RPS6KA2: variants seen among roughly 807,000 people sequenced by gnomAD.
RPS6KA2 encodes ribosomal protein S6 kinase A2.
In RPS6KA2, 42 loss-of-function variants were observed where a neutral mutation model predicts 91.8. The observed-to-expected ratio is 0.46, with a 90% CI of 0.36 to 0.59. The LOEUF is 0.59. Among genes scored for constraint, RPS6KA2 ranks in the 20% least tolerant of loss-of-function variants. The pLI, the probability that RPS6KA2 is intolerant of heterozygous loss-of-function variation, is 0.00. For synonymous variants in RPS6KA2, 414 were observed against 393.6 expected (o/e 1.05, Z -0.61); for missense variants, 798 against 978.5 (o/e 0.82, Z 2.46).
chr6:166,479,953 T>C (rs1337893663), intron 10 of RPS6KA2, among the ~76,000 whole-genome samples: 1 of 152,218 alleles, frequency 6.6e-6, no homozygotes, highest in Non-Finnish European at 1.5e-5. Context: ...GCCTCACTCT[T>C]CAGTACTCAC....
At chr6:166,840,343 G>A (rs1411640051) in intron 2 of RPS6KA2, among the ~76,000 whole-genome samples, 1 of 152,208 alleles carries the variant, frequency 6.6e-6, no homozygotes, top group African/African-American at 2.4e-5. Context: ...AGGCTTTCAT[G>A]TGAGAGTGCG....
At chr6:166,621,273 G>A (rs1786618557) in intron 1 of RPS6KA2, among the ~76,000 whole-genome samples, 1 of 152,226 alleles carries the variant, frequency 6.6e-6, no homozygotes, top group African/African-American at 2.4e-5. Flanking sequence ...AATCCTAGGT[G>A]TATGGTTACG....
At chr6:166,649,900 G>A (rs200273905) in intron 2 of RPS6KA2, among the ~76,000 whole-genome samples, 13 of 152,150 alleles carry the variant, frequency 8.5e-5, no homozygotes, top group African/African-American at 2.7e-4. Context: ...TTAAAGGCTC[G>A]CCAGCAGAAA....
At chr6:166,692,711 A>G (rs1789246411) in intron 2 of RPS6KA2, among the ~76,000 whole-genome samples, 1 of 152,224 alleles carries the variant, frequency 6.6e-6, no homozygotes, top group Non-Finnish European at 1.5e-5. Flanking sequence ...TCCAGAGCGG[A>G]TCAGGAACCA....
At chr6:166,555,799 A>C (rs1784160476) in intron 1 of RPS6KA2, among the ~76,000 whole-genome samples, 1 of 152,140 alleles carries the variant, frequency 6.6e-6, no homozygotes, top group South Asian at 2.1e-4. Flanking sequence ...TAGGTCCTTC[A>C]TCTGGGCGTC....
chr6:166,504,486 C>A lies in RPS6KA2; in HGVS notation c.566+20G>T, dbSNP rs772066243. The A allele has an allele frequency of 5.4e-6, 8 of 1,487,914 alleles. No homozygotes were observed. The South Asian group carries it at 9.4e-5, about 17-fold the overall frequency. 92.2% of individuals were successfully genotyped at this position (1,487,914 alleles called of 1,614,324 possible). ...AGCTGATGGGCGTGGGGAAGTCAGC[C>A]CTAGTTTTTTCTCACTTACTTCTCA... is the stretch of plus-strand genomic sequence containing the variant. On this transcript the variant is annotated intron_variant, in intron 6 of 20. Transcript: ENST00000265678.
intron 1 of RPS6KA2, among the ~76,000 whole-genome samples, chr6:166,561,435 A>G (rs545242108): frequency 1.3e-5 from 2 of 151,802 alleles, no homozygotes; most frequent in East Asian, 3.9e-4. Context: ...TCCCTCCTAT[A>G]AAGAAGAAAA....
At chr6:166,582,154 C>T (rs1785041296) in intron 1 of RPS6KA2, among the ~76,000 whole-genome samples, 2 of 146,976 alleles carry the variant, frequency 1.4e-5, no homozygotes, top group African/African-American at 2.5e-5. Flanking sequence ...GCCCACTGGG[C>T]AGGTGGGCTG....
At chr6:166,671,649 C>A (rs1430085176) in intron 2 of RPS6KA2, among the ~76,000 whole-genome samples, 1 of 152,146 alleles carries the variant, frequency 6.6e-6, no homozygotes, top group Non-Finnish European at 1.5e-5. Context: ...GGTAATTTGT[C>A]AACATCCACT....
intron 15 of RPS6KA2, among the ~76,000 whole-genome samples, chr6:166,431,968 G>A (rs1056399069): frequency 2.6e-5 from 4 of 152,162 alleles, no homozygotes; most frequent in African/African-American, 4.8e-5. Flanking sequence ...TGTTAAGACC[G>A]TTTGCACGCA....
chr6:166,681,972 G>T (rs1788831055), intron 2 of RPS6KA2, among the ~76,000 whole-genome samples: 1 of 152,070 alleles, frequency 6.6e-6, no homozygotes, highest in African/African-American at 2.4e-5. Context: ...GACAGCTTAG[G>T]TTTAAGTCTT....
At position 166,500,906 on chromosome 6, in the gene RPS6KA2, C is replaced by A. The variant is rs2128478226; in HGVS notation, c.585G>T (p.Glu195Asp). The part of the protein sequence containing the change: ...LKPENILLDE[E>D]GHIKITDFGL... Reference sequence around the variant, plus strand: ...ACAAACCTGTGATCTTAATGTGCCCCTCTTCATCCAGGAGGATGCTAAAAG... The same window carrying A: ...ACAAACCTGTGATCTTAATGTGCCCATCTTCATCCAGGAGGATGCTAAAAG... Residue 195 changes from glutamate to aspartate, a missense_variant, in exon 7 of 21, where the codon GAG becomes GAT. Transcript: ENST00000265678. This position sits in a 1 kb window ranked among gnomAD's most constrained non-coding sequence, Gnocchi z 4.3. 1 of 1,614,074 alleles carries A rather than the reference C, an allele frequency of 6.2e-7. No individual in the cohort carries two copies. The highest frequency in any genetic ancestry group is 8.5e-7 in the Non-Finnish European group (1 of 1,179,972).
intron 2 of RPS6KA2, among the ~76,000 whole-genome samples, chr6:166,797,045 G>A (rs893153377): frequency 2.6e-5 from 4 of 152,202 alleles, no homozygotes; most frequent in African/African-American, 9.6e-5. Flanking sequence ...TCTCACGCCC[G>A]AGCAAAGCAG....
intron 1 of RPS6KA2, among the ~76,000 whole-genome samples, chr6:166,577,294 A>G (rs748826720): frequency 9.8e-5 from 15 of 152,312 alleles, no homozygotes; most frequent in Non-Finnish European, 2.1e-4. Flanking sequence ...AGCTGTGAGA[A>G]GAAGGCCACC....
At chr6:166,550,010 A>G (rs906788123) in intron 1 of RPS6KA2, among the ~76,000 whole-genome samples, 1 of 152,230 alleles carries the variant, frequency 6.6e-6, no homozygotes, top group African/African-American at 2.4e-5. Flanking sequence ...CAATATTGAA[A>G]GAGCTTTGTT....
At chr6:166,458,055 T>C (rs1020060374) in intron 12 of RPS6KA2, among the ~76,000 whole-genome samples, 4 of 152,304 alleles carry the variant, frequency 2.6e-5, no homozygotes, top group Non-Finnish European at 5.9e-5. Context: ...ATACTGTTAG[T>C]GTTGTGGACT....
At chr6:166,600,795 T>C (rs979818607) in intron 1 of RPS6KA2, among the ~76,000 whole-genome samples, 4 of 152,192 alleles carry the variant, frequency 2.6e-5, no homozygotes, top group Non-Finnish European at 5.9e-5. Flanking sequence ...TTGCACAAAG[T>C]GAATAGAAAT....
intron 2 of RPS6KA2, among the ~76,000 whole-genome samples, chr6:166,851,638 T>A (rs1780747292): frequency 6.6e-6 from 1 of 152,070 alleles, no homozygotes; most frequent in South Asian, 2.1e-4. Flanking sequence ...CGGGACACAG[T>A]CTCCAGCCGG....
intron 2 of RPS6KA2, among the ~76,000 whole-genome samples, chr6:166,716,415 T>A (rs773830634): frequency 3.9e-5 from 6 of 152,166 alleles, no homozygotes; most frequent in Non-Finnish European, 7.3e-5. Flanking sequence ...GCAGCCCCCA[T>A]CCTGGCCAGG....
Sources: gnomAD v4.1 joint callset for allele counts (sites outside exome capture counted in the v4.1 genomes callset) on GRCh38, gnomAD v4.1.1 for gene constraint, Gnocchi (gnomAD v3.1) non-coding constraint, MANE v1.5 for transcripts, NCBI Gene and HGNC (gene_info 2026-07-23, HGNC 2026-07-21) for gene names.